SBF2: variants seen among roughly 807,000 people sequenced by gnomAD.
SBF2 encodes the protein myotubularin-related protein 13.
SBF2 carries 112 observed loss-of-function variants against 225.2 expected under a neutral mutation model. That is an observed-to-expected ratio of 0.50 (90% CI 0.43 to 0.58). The LOEUF is 0.58. Ranked by LOEUF, SBF2 falls within the 20% of genes least tolerant of loss-of-function variation. SBF2 has a pLI of 0.00. For synonymous variants in SBF2, 763 were observed against 773.3 expected (o/e 0.99, Z 0.22); for missense variants, 1,996 against 2,206.2 (o/e 0.90, Z 1.91).
intron 16 of SBF2, among the ~76,000 whole-genome samples, chr11:9,938,053 G>GA (rs61065727): frequency 0.41 from 61,664 of 151,554 alleles, 13,591 homozygotes; most frequent in East Asian, 0.75. Flanking sequence ...AGCACTTTGG[G>GA]GGCCAAGGCG....
Position 9,785,193 on chromosome 11 carries a change from T to C in SBF2, c.5163A>G (p.Pro1721=). ...MGEEQNSSIS[P]SNGVERRAAT... ...CTGCTCTTCGCTCCACTCCATTGGATGGGGAGATGCTGGAATTCTGTTCCT... is the reference window on the plus strand; with the variant it reads ...CTGCTCTTCGCTCCACTCCATTGGACGGGGAGATGCTGGAATTCTGTTCCT... The change falls in exon 37 of 40, where the codon CCA becomes CCG. Residue 1721 remains proline (P), a synonymous_variant. Transcript: ENST00000256190. The C allele has an allele frequency of 6.2e-7, 1 of 1,614,130 alleles. No homozygotes were observed. Among genetic ancestry groups the C allele is most frequent in the Non-Finnish European group, 8.5e-7 (1 of 1,180,022 alleles).
chr11:9,868,063 C>A (rs865988711), intron 17 of SBF2, among the ~76,000 whole-genome samples: 1 of 151,928 alleles, frequency 6.6e-6, no homozygotes, highest in African/African-American at 2.4e-5. Flanking sequence ...TTCTAATTAC[C>A]CTGATTTGAC....
chr11:9,890,268 T>C (rs896539514), intron 17 of SBF2, among the ~76,000 whole-genome samples: 12 of 152,202 alleles, frequency 7.9e-5, no homozygotes, highest in Non-Finnish European at 1.5e-4. Context: ...AAAATTAGAC[T>C]GTGGTGATGG....
intron 16 of SBF2, among the ~76,000 whole-genome samples, chr11:9,899,329 AC>A (rs1861528433): frequency 8.7e-6 from 1 of 114,380 alleles, no homozygotes; most frequent in Non-Finnish European, 1.8e-5. Context: ...CTCTGCTTCT[AC>A]AAAAAATTAA....
chr11:9,853,753 T>G (rs1857126039), intron 19 of SBF2, 41 bp from the exon 20 acceptor site: 1 of 1,566,814 alleles, frequency 6.4e-7, no homozygotes, highest in Non-Finnish European at 8.8e-7. Flanking sequence ...AGTACTTAAA[T>G]GCAACAAATG....
At chr11:9,877,819 C>T (rs893894068) in intron 17 of SBF2, among the ~76,000 whole-genome samples, 1 of 152,160 alleles carries the variant, frequency 6.6e-6, no homozygotes, top group African/African-American at 2.4e-5. Context: ...GGGTTGGTTT[C>T]AAGTCTTTGC....
At chr11:9,847,269 A>G (rs1856615603) in intron 22 of SBF2, among the ~76,000 whole-genome samples, 186 bp from the exon 23 acceptor site, 1 of 152,190 alleles carries the variant, frequency 6.6e-6, no homozygotes, top group African/African-American at 2.4e-5. Flanking sequence ...CAAGTGACTT[A>G]CATTTCACAC....
intron 2 of SBF2, among the ~76,000 whole-genome samples, chr11:10,118,981 G>A (rs1481361066): frequency 6.7e-6 from 1 of 150,366 alleles, no homozygotes. Flanking sequence ...AGTCACATCT[G>A]CAGGAAAAAG....
chr11:10,177,788 A>G (rs944651167), intron 2 of SBF2, among the ~76,000 whole-genome samples: 1 of 150,226 alleles, frequency 6.7e-6, no homozygotes, highest in African/African-American at 2.5e-5. Flanking sequence ...TACAGATTCA[A>G]TGCCATCCCC....
At chr11:9,900,662 A>G (rs1411723470) in intron 16 of SBF2, among the ~76,000 whole-genome samples, 1 of 152,188 alleles carries the variant, frequency 6.6e-6, no homozygotes, top group Non-Finnish European at 1.5e-5. Flanking sequence ...TTGCTGAGAA[A>G]AAGACAATTT....
Position 9,890,533 on chromosome 11 carries a change from A to G in SBF2, c.1929+5410T>C, listed in dbSNP as rs1171920236. 3.3e-5 allele frequency among the ~76,000 whole-genome samples: 5 copies of G among 152,180 alleles called. No homozygotes were observed. In the East Asian group the frequency reaches 9.6e-4, roughly 29 times the overall value. ...AATCAATAAAACTTCCTCAAATGCC[A>G]ACTACATGTGGAGGATCTTTAGAAT... On this transcript the variant is annotated intron_variant, in intron 17 of 39. Transcript: ENST00000256190.
chr11:9,886,356 T>C lies in SBF2; in HGVS notation c.1929+9587A>G, dbSNP rs549600298. 1.2e-3 allele frequency among the ~76,000 whole-genome samples: 179 copies of C among 152,318 alleles called. 1 individual carries two copies. Among genetic ancestry groups the C allele is most frequent in the African/African-American group, 4.2e-3 (175 of 41,582 alleles). ...ATTTTGTTATTCCATAGATTTTTTTTCCATGTTTCTGACCTCTATTCTTTT... is the reference window on the plus strand; with the variant it reads ...ATTTTGTTATTCCATAGATTTTTTTCCCATGTTTCTGACCTCTATTCTTTT... On this transcript the variant is annotated intron_variant, in intron 17 of 39. Transcript: ENST00000256190.
At chr11:9,841,978 G>C (rs565576477) in intron 25 of SBF2, among the ~76,000 whole-genome samples, 2 of 151,840 alleles carry the variant, frequency 1.3e-5, no homozygotes, top group African/African-American at 4.8e-5. Flanking sequence ...AGATCCTGAG[G>C]GGAAAAAAAG....
At chr11:9,984,880 C>G (rs1390754436) in intron 13 of SBF2, among the ~76,000 whole-genome samples, 1 of 152,142 alleles carries the variant, frequency 6.6e-6, no homozygotes, top group African/African-American at 2.4e-5. Flanking sequence ...CAAACAAATG[C>G]TGAAAGAATT....
chr11:10,157,818 G>A (rs1188807777), intron 2 of SBF2, among the ~76,000 whole-genome samples: 3 of 152,066 alleles, frequency 2.0e-5, no homozygotes, highest in Non-Finnish European at 4.4e-5. Flanking sequence ...AAAAGGTTGG[G>A]GACCACTGCT....
intron 1 of SBF2, among the ~76,000 whole-genome samples, chr11:10,258,807 C>G (rs1434614216): frequency 6.6e-6 from 1 of 151,744 alleles, no homozygotes; most frequent in South Asian, 2.1e-4. Context: ...TAAGATATAT[C>G]TTTAAAAATG....
At chr11:9,934,374 G>C (rs7129288) in intron 16 of SBF2, among the ~76,000 whole-genome samples, 31,421 of 152,024 alleles carry the variant, frequency 0.21, 3,958 homozygotes, top group Non-Finnish European at 0.29. Flanking sequence ...TTCTACCAGA[G>C]GTACAAAGAG....
intron 2 of SBF2, among the ~76,000 whole-genome samples, chr11:10,116,183 GA>G (rs1455443610): frequency 1.3e-5 from 2 of 151,830 alleles, no homozygotes; most frequent in South Asian, 2.1e-4. Context: ...AGAAAAAAAG[GA>G]AAAAAAATAT....
intron 16 of SBF2, among the ~76,000 whole-genome samples, chr11:9,909,500 C>T (rs1590405030): frequency 1.3e-5 from 2 of 151,840 alleles, no homozygotes; most frequent in Admixed American, 6.6e-5. Flanking sequence ...TGAAACCCCA[C>T]CTCTACTAAA....
Sources: allele counts gnomAD v4.1 joint callset (sites outside exome capture counted in the v4.1 genomes callset), GRCh38; gene constraint gnomAD v4.1.1; transcripts MANE v1.5; gene names NCBI Gene and HGNC (gene_info 2026-07-23, HGNC 2026-07-21).